The following KCNT2 variants were observed in gnomAD, a reference collection of about 807,000 sequenced individuals.
KCNT2 encodes potassium channel subfamily T member 2.
In KCNT2, 67 loss-of-function variants were observed where a neutral mutation model predicts 153.8. The observed-to-expected ratio is 0.44, with a 90% confidence interval of 0.36 to 0.53. KCNT2 has a LOEUF of 0.53. KCNT2 is among the 20% of genes least tolerant of loss of function. KCNT2 has a pLI of 0.00. For synonymous variants in KCNT2, 500 were observed against 458.8 expected, an observed-to-expected ratio of 1.09 and a Z score of -1.15; for missense variants, 975 against 1,354.8, an observed-to-expected ratio of 0.72 and a Z score of 4.40.
At chr1:196,469,953 T>C (rs1251326385) in intron 5 of KCNT2, among the ~76,000 whole-genome samples, 1 of 152,192 alleles carries the variant, frequency 6.6e-6, no homozygotes, top group Non-Finnish European at 1.5e-5. Flanking sequence ...TTGGGACTCT[T>C]TCTTAATTTT....
At chr1:196,416,698 CAG>C (rs1672782074) in intron 12 of KCNT2, among the ~76,000 whole-genome samples, 1 of 152,024 alleles carries the variant, frequency 6.6e-6, no homozygotes, top group African/African-American at 2.4e-5. Flanking sequence ...ATAATTTAAT[CAG>C]AAGTTTAGAT....
At chr1:196,369,362 A>G (rs893272317) in intron 14 of KCNT2, among the ~76,000 whole-genome samples, 8 of 151,954 alleles carry the variant, frequency 5.3e-5, no homozygotes, top group Non-Finnish European at 8.8e-5. Context: ...TTTAGGGTAC[A>G]TGTGCACATT....
chr1:196,561,890 A>G (rs1659462308), intron 1 of KCNT2, among the ~76,000 whole-genome samples: 1 of 151,880 alleles, frequency 6.6e-6, no homozygotes, highest in Non-Finnish European at 1.5e-5. Context: ...TCTCCAGGTC[A>G]TAGAGGGATT....
intron 13 of KCNT2, among the ~76,000 whole-genome samples, chr1:196,382,165 C>A (rs1233914665): frequency 6.6e-6 from 1 of 151,802 alleles, no homozygotes; most frequent in Non-Finnish European, 1.5e-5. Context: ...GTGGTGCGAG[C>A]GCGGCTCACT....
intron 8 of KCNT2, among the ~76,000 whole-genome samples, chr1:196,460,597 C>G (rs1434377903): frequency 6.6e-6 from 1 of 151,570 alleles, no homozygotes; most frequent in Non-Finnish European, 1.5e-5. Flanking sequence ...ATTAAAGAAT[C>G]ATTATATATT....
intron 1 of KCNT2, among the ~76,000 whole-genome samples, chr1:196,554,336 C>A (rs1454699862): frequency 6.6e-6 from 1 of 151,000 alleles, no homozygotes; most frequent in Non-Finnish European, 1.5e-5. Context: ...ACAACTGATA[C>A]CACAGAAATT....
chr1:196,395,039 C>T (rs1444669570), intron 13 of KCNT2, among the ~76,000 whole-genome samples: 3 of 150,568 alleles, frequency 2.0e-5, no homozygotes, highest in African/African-American at 7.3e-5. Context: ...GTCTCAAATA[C>T]TTTACTACAT....
chr1:196,275,941 G>T (rs969350940), intron 25 of KCNT2, among the ~76,000 whole-genome samples: 1 of 151,906 alleles, frequency 6.6e-6, no homozygotes, highest in African/African-American at 2.4e-5. Flanking sequence ...GTCAGAAAAT[G>T]TTATAGCTGG....
chr1:196,250,586 C>A (rs1321845694), intron 26 of KCNT2, among the ~76,000 whole-genome samples: 1 of 152,004 alleles, frequency 6.6e-6, no homozygotes, highest in Non-Finnish European at 1.5e-5. Flanking sequence ...TTTAATACCC[C>A]AGAAGCACAG....
At chr1:196,452,486 C>T (rs1192093456) in intron 8 of KCNT2, among the ~76,000 whole-genome samples, 2 of 151,938 alleles carry the variant, frequency 1.3e-5, no homozygotes, top group African/African-American at 4.8e-5. Flanking sequence ...GTAGATGACT[C>T]CCTCAACAAC....
chr1:196,426,327 C>T (rs1673651442), intron 10 of KCNT2, among the ~76,000 whole-genome samples: 3 of 152,106 alleles, frequency 2.0e-5, no homozygotes, highest in Admixed American at 6.6e-5. Flanking sequence ...CTAAAATATA[C>T]ATTGAACACC....
chr1:196,421,645 TC>T (rs2148515884), intron 12 of KCNT2, among the ~76,000 whole-genome samples: 1 of 152,198 alleles, frequency 6.6e-6, no homozygotes, highest in East Asian at 1.9e-4. Flanking sequence ...TATATATATT[TC>T]AAAAAATATT....
At chr1:196,504,693 T>C (rs1026037968) in intron 1 of KCNT2, among the ~76,000 whole-genome samples, 1 of 152,194 alleles carries the variant, frequency 6.6e-6, no homozygotes, top group Non-Finnish European at 1.5e-5. Context: ...TAGTTTATAG[T>C]CCCACCAACA....
chr1:196,266,797 C>T (rs1413555214), intron 25 of KCNT2, among the ~76,000 whole-genome samples: 1 of 152,118 alleles, frequency 6.6e-6, no homozygotes, highest in Non-Finnish European at 1.5e-5. Flanking sequence ...TTAAGGCCAC[C>T]ATTACTTGGT....
chr1:196,443,833 A>T (rs1043018975), intron 8 of KCNT2, among the ~76,000 whole-genome samples: 4 of 151,604 alleles, frequency 2.6e-5, no homozygotes, highest in Non-Finnish European at 4.4e-5. Flanking sequence ...AACTGGCAAT[A>T]GTTGGTACCG....
chr1:196,492,034 A>AT (rs769331515), intron 2 of KCNT2, among the ~76,000 whole-genome samples: 2 of 152,104 alleles, frequency 1.3e-5, no homozygotes, highest in African/African-American at 2.4e-5. Flanking sequence ...AATTTGGAGA[A>AT]TTGAAGATGT....
intron 19 of KCNT2, among the ~76,000 whole-genome samples, chr1:196,321,562 A>T (rs1663314422): frequency 6.6e-6 from 1 of 151,996 alleles, no homozygotes; most frequent in African/African-American, 2.4e-5. Context: ...ACAATGGGCA[A>T]GCAATGTGCC....
At chr1:196,367,656 T>C (rs1343222430) in intron 14 of KCNT2, among the ~76,000 whole-genome samples, 1 of 152,222 alleles carries the variant, frequency 6.6e-6, no homozygotes, top group Non-Finnish European at 1.5e-5. Context: ...TTTTTAATGA[T>C]AATCACAAAT....
chr1:196,228,286 TG>T lies in KCNT2; in HGVS notation c.3345del (p.Ser1116ValfsTer73), dbSNP rs1398790937. On this transcript the variant is annotated frameshift_variant, in exon 28 of 28. Transcript: ENST00000294725. LOFTEE classifies it high-confidence loss of function. ...ACATTGCAGATGCTGTTTCTTCGAC[TG>T]GGCTCACTGTTTGGAAGGTAGGCCA... ...DPLAYLPNSE[P>X]SRRNSICNVT... is the part of the protein sequence containing the mutation. 1 of 1,611,798 alleles carries T rather than the reference TG, an allele frequency of 6.2e-7. No individual in the cohort carries two copies. Among genetic ancestry groups the T allele is most frequent in the Non-Finnish European group, 8.5e-7 (1 of 1,178,554 alleles).
Sources: allele counts gnomAD v4.1 joint callset (sites outside exome capture counted in the v4.1 genomes callset), GRCh38; gene constraint gnomAD v4.1.1; transcripts MANE v1.5; gene names NCBI Gene and HGNC (gene_info 2026-07-23, HGNC 2026-07-21).